The following ANKS1B variants were observed in gnomAD, a reference collection of about 807,000 sequenced individuals.
The protein encoded by ANKS1B is ankyrin repeat and sterile alpha motif domain-containing protein 1B.
In ANKS1B, 36 loss-of-function variants were observed where a neutral mutation model predicts 148.3. That is an observed-to-expected ratio of 0.24 (90% confidence interval 0.19 to 0.32). The LOEUF (loss-of-function observed/expected upper bound fraction) is 0.32, where lower values mean the gene tolerates loss of function less well. Among genes scored for constraint, ANKS1B ranks in the 10% least tolerant of loss-of-function variants. ANKS1B has a pLI of 1.00. For synonymous variants in ANKS1B, 542 were observed against 560.8 expected (o/e 0.97, Z 0.47); for missense variants, 1,157 against 1,542.6 (o/e 0.75, Z 4.19).
chr12:98,893,110 C>T (rs2099756160), intron 17 of ANKS1B, among the ~76,000 whole-genome samples: 1 of 152,156 alleles, frequency 6.6e-6, no homozygotes, highest in African/African-American at 2.4e-5. Flanking sequence ...ATGACACTGG[C>T]ATCAAGTCTC....
chr12:99,083,373 A>T (rs1599640682), intron 16 of ANKS1B, among the ~76,000 whole-genome samples: 3 of 152,204 alleles, frequency 2.0e-5, no homozygotes, highest in Admixed American at 2.0e-4. Context: ...TTGCAAACAG[A>T]TGACCCAACT....
chr12:99,025,606 TAGGAA>T (rs2099948281), intron 17 of ANKS1B, among the ~76,000 whole-genome samples: 1 of 151,964 alleles, frequency 6.6e-6, no homozygotes, highest in African/African-American at 2.4e-5. Context: ...GGATTTGAAA[TAGGAA>T]AGGGCAAGGA....
chr12:99,838,431 T>C (rs895924426), intron 1 of ANKS1B, among the ~76,000 whole-genome samples: 48 of 152,306 alleles, frequency 3.2e-4, no homozygotes, highest in Admixed American at 9.2e-4. Flanking sequence ...TTTCATTTTT[T>C]CTATGAGTAG....
intron 17 of ANKS1B, among the ~76,000 whole-genome samples, chr12:98,980,566 T>C (rs565078877): frequency 6.6e-6 from 1 of 152,344 alleles, no homozygotes; most frequent in South Asian, 2.1e-4. Context: ...TTTCTGAATC[T>C]ATTTCTATTT....
intron 3 of ANKS1B, among the ~76,000 whole-genome samples, chr12:99,809,690 T>G (rs1038912237): frequency 1.8e-4 from 28 of 152,056 alleles, no homozygotes; most frequent in Non-Finnish European, 2.4e-4. Flanking sequence ...CCAAAAGAGA[T>G]AACATATTTT....
intron 14 of ANKS1B, among the ~76,000 whole-genome samples, chr12:99,195,941 T>C (rs2081334427): frequency 6.6e-6 from 1 of 152,148 alleles, no homozygotes; most frequent in Non-Finnish European, 1.5e-5. Flanking sequence ...ATGTGATTTA[T>C]ATGCAAAGAT....
At chr12:99,295,886 G>C (rs2080803494) in intron 12 of ANKS1B, among the ~76,000 whole-genome samples, 1 of 152,148 alleles carries the variant, frequency 6.6e-6, no homozygotes, top group Admixed American at 6.5e-5. Flanking sequence ...GTGTTAGTTT[G>C]CTAAGGTGTC....
At chr12:99,317,925 T>C (rs954539498) in intron 12 of ANKS1B, among the ~76,000 whole-genome samples, 5 of 152,230 alleles carry the variant, frequency 3.3e-5, no homozygotes, top group African/African-American at 7.2e-5. Context: ...GAGATAATCA[T>C]GTGGTTTTTG....
chr12:99,292,400 T>C (rs1425055717), intron 12 of ANKS1B, among the ~76,000 whole-genome samples: 1 of 151,196 alleles, frequency 6.6e-6, no homozygotes, highest in Non-Finnish European at 1.5e-5. Flanking sequence ...TGGGTGCCTG[T>C]AGTCCCAGCT....
chr12:98,994,170 T>C (rs541926018), intron 17 of ANKS1B, among the ~76,000 whole-genome samples: 10 of 152,290 alleles, frequency 6.6e-5, no homozygotes, highest in African/African-American at 1.4e-4. Context: ...CCCATACTTA[T>C]GTATAATGGA....
intron 16 of ANKS1B, among the ~76,000 whole-genome samples, chr12:99,072,013 A>C (rs1330021597): frequency 3.3e-5 from 5 of 152,152 alleles, no homozygotes; most frequent in Non-Finnish European, 5.9e-5. Flanking sequence ...CTTCTGATGG[A>C]CTAAACAATA....
intron 9 of ANKS1B, among the ~76,000 whole-genome samples, chr12:99,632,771 T>TTA (rs71088133): frequency 0.021 from 1,088 of 50,722 alleles, 46 homozygotes; most frequent in African/African-American, 0.056. Context: ...ATATATATTT[T>TTA]AATTATACTT....
At chr12:98,953,527 A>G (rs528193562) in intron 17 of ANKS1B, among the ~76,000 whole-genome samples, 23 of 124,032 alleles carry the variant, frequency 1.9e-4, no homozygotes, top group Admixed American at 3.9e-4. Context: ...CCATTTGAGA[A>G]TCTAGAGTGG....
chr12:98,982,360 T>C (rs1439863648), intron 17 of ANKS1B, among the ~76,000 whole-genome samples: 3 of 151,964 alleles, frequency 2.0e-5, no homozygotes, highest in Admixed American at 1.3e-4. Flanking sequence ...ATCTTTGGAG[T>C]AGCAAGAGTA....
chr12:99,545,628 G>A (rs1419604627), intron 9 of ANKS1B, among the ~76,000 whole-genome samples: 2 of 151,690 alleles, frequency 1.3e-5, no homozygotes, highest in African/African-American at 2.4e-5. Context: ...GGGAAAGAAT[G>A]GTATAGAAGA....
Position 98,829,601 on chromosome 12 carries a change from T to A in ANKS1B, c.2887-248A>T, listed in dbSNP as rs2099277990. Among the ~76,000 whole-genome samples the A allele has an allele frequency of 6.6e-6, 1 of 152,184 alleles. No individual in the cohort carries two copies. Among genetic ancestry groups the A allele is most frequent in the African/African-American group, 2.4e-5 (1 of 41,446 alleles). On this transcript the variant is annotated intron_variant, in intron 18 of 26. Coordinates refer to ENST00000683438, the MANE Select transcript of ANKS1B (RefSeq NM_001352186.2). The surrounding 1 kb of genome is among the most constrained non-coding windows in gnomAD (Gnocchi z 5.2). The stretch of plus-strand genomic sequence containing the variant: ...GTTCTGTTTTCCTAAAGCAGCATCA[T>A]GGATGGTCTCAGGAGGGAGGCACAC...
intron 17 of ANKS1B, among the ~76,000 whole-genome samples, chr12:98,920,833 G>T (rs775158300): frequency 6.6e-6 from 1 of 152,208 alleles, no homozygotes; most frequent in Admixed American, 6.5e-5. Flanking sequence ...GATCTCAATG[G>T]ATATCTTATA....
intron 11 of ANKS1B, among the ~76,000 whole-genome samples, chr12:99,429,144 AAC>A (rs2095319188): frequency 1.3e-5 from 2 of 150,320 alleles, no homozygotes; most frequent in African/African-American, 4.9e-5. Context: ...TCAGAAGAGA[AAC>A]AAACAAACAA....
intron 1 of ANKS1B, among the ~76,000 whole-genome samples, chr12:99,895,498 A>G (rs1403837035): frequency 6.6e-6 from 1 of 150,694 alleles, no homozygotes; most frequent in Non-Finnish European, 1.5e-5. Flanking sequence ...TAAGAAATAA[A>G]GCATTTAAAA....
Sources: gnomAD v4.1 joint callset for allele counts (sites outside exome capture counted in the v4.1 genomes callset) on GRCh38, gnomAD v4.1.1 for gene constraint, Gnocchi (gnomAD v3.1) non-coding constraint, MANE v1.5 for transcripts, NCBI Gene and HGNC (gene_info 2026-07-23, HGNC 2026-07-21) for gene names.